Variants in PRCP observed in about 807,000 individuals in gnomAD.
PRCP encodes prolylcarboxypeptidase, also known as lysosomal Pro-X carboxypeptidase.
In PRCP, 46 loss-of-function variants were observed where a neutral mutation model predicts 54.2. The observed-to-expected ratio is 0.85, with a 90% confidence interval of 0.67 to 1.09. The LOEUF is 1.09. Among genes scored for constraint, PRCP ranks in the 50% least tolerant of loss-of-function variants. PRCP has a pLI of 0.00. For synonymous variants in PRCP, 240 were observed against 212.2 expected (o/e 1.13, Z -1.14); for missense variants, 613 against 596.8 (o/e 1.03, Z -0.28).
In PRCP at chr11:82,849,907, A is replaced by G; in HGVS notation, c.751+7T>C. 6.9e-7 allele frequency: 1 copy of G among 1,449,674 alleles called. No homozygotes were observed. Among genetic ancestry groups the G allele is most frequent in the Non-Finnish European group, 9.1e-7 (1 of 1,096,458 alleles). 89.8% of individuals were successfully genotyped at this position (1,449,674 alleles called of 1,614,324 possible). ...CACACAATTCCATTCTCTTAATTAA[A>G]GCTTACCAGTATTTGAGAGTCGATT... On this transcript the variant is annotated splice_region_variant and intron_variant, in intron 5 of 8. Transcript: ENST00000313010.
At chr11:82,899,351 G>A (rs555987647) in intron 1 of PRCP, among the ~76,000 whole-genome samples, 1 of 152,304 alleles carries the variant, frequency 6.6e-6, no homozygotes, top group East Asian at 1.9e-4. Context: ...CAGAAGTACT[G>A]TAACCTGCCC....
At chr11:82,872,920 T>C (rs958105738) in intron 1 of PRCP, among the ~76,000 whole-genome samples, 14 of 152,084 alleles carry the variant, frequency 9.2e-5, no homozygotes, top group Admixed American at 9.2e-4. Context: ...AAGAGTTTAA[T>C]GTAGAAAGAG....
At chr11:82,844,296 T>G (rs555348636) in intron 6 of PRCP, among the ~76,000 whole-genome samples, 1 of 151,878 alleles carries the variant, frequency 6.6e-6, no homozygotes, top group Non-Finnish European at 1.5e-5. Context: ...AAATACAGAC[T>G]CTAGTAATCC....
Position 82,824,709 on chromosome 11 carries a change from CAA to C in PRCP, c.*195_*196del, listed in dbSNP as rs1858178261. ...AAGAAGATTCTTCCTAGACGTGGTGCAAAGACAGTGAGAACCCAGGAAATCAC... is the reference window on the plus strand; with the variant it reads ...AAGAAGATTCTTCCTAGACGTGGTGCAGACAGTGAGAACCCAGGAAATCAC... On this transcript the variant is annotated 3_prime_UTR_variant, in exon 9 of 9. Coordinates refer to ENST00000313010, the MANE Select transcript of PRCP (RefSeq NM_005040.4). The C allele has an allele frequency of 3.4e-6, 2 of 590,114 alleles. No homozygotes were observed. The highest frequency in any genetic ancestry group is 5.9e-6 in the Non-Finnish European group (2 of 338,350). 36.6% of individuals were successfully genotyped at this position (590,114 alleles called of 1,614,324 possible). A position where few individuals can be genotyped will look rare whatever the true frequency, so the allele number is the denominator to read the frequency against.
chr11:82,831,043 C>CAAAAAAAAA (rs11356609), intron 8 of PRCP: 1 of 67,220 alleles, frequency 1.5e-5, no homozygotes, highest in African/African-American at 5.1e-5. Flanking sequence ...GGAAAATCTA[C>CAAAAAAAAA]AAAAAAAAAA....
intron 1 of PRCP, among the ~76,000 whole-genome samples, chr11:82,892,874 A>C (rs781065451): frequency 1.3e-5 from 2 of 152,222 alleles, no homozygotes; most frequent in Non-Finnish European, 2.9e-5. Flanking sequence ...GTCAACAAGT[A>C]CAATTTGAAC....
At chr11:82,896,501 C>A (rs1046925924) in intron 1 of PRCP, among the ~76,000 whole-genome samples, 1 of 151,694 alleles carries the variant, frequency 6.6e-6, no homozygotes, top group African/African-American at 2.4e-5. Flanking sequence ...CATGGTAAAA[C>A]CCTGTCTGTA....
chr11:82,829,541 G>A (rs186089062), intron 8 of PRCP: 1 of 152,134 alleles, frequency 6.6e-6, no homozygotes, highest in African/African-American at 2.4e-5. Flanking sequence ...AATTTCAACT[G>A]TTTTCCCTCC....
intron 6 of PRCP, among the ~76,000 whole-genome samples, chr11:82,841,055 T>TATATATATATATATATAAAA (rs1555013578): frequency 6.7e-6 from 1 of 149,578 alleles, no homozygotes; most frequent in African/African-American, 2.5e-5. Context: ...ATATATATAA[T>TATATATATATATATATAAAA]AGACTAGTCC....
At chr11:82,866,295 C>T (rs547871389) in intron 1 of PRCP, among the ~76,000 whole-genome samples, 4 of 152,300 alleles carry the variant, frequency 2.6e-5, no homozygotes, top group South Asian at 2.1e-4. Flanking sequence ...AGATACTGTC[C>T]TCCCTTCCCA....
Position 82,839,303 on chromosome 11 carries a change from C to G in PRCP, c.1044G>C (p.Glu348Asp). The G allele has an allele frequency of 6.2e-7, 1 of 1,614,002 alleles. No individual in the cohort carries two copies. The highest frequency in any genetic ancestry group is 8.5e-7 in the Non-Finnish European group (1 of 1,179,972). The change falls in exon 7 of 9, where the codon GAG becomes GAC. Residue 348 changes from glutamate to aspartate, a missense_variant. Physicochemically the swap from Glu to Asp is conservative, Grantham distance 45. Transcript: ENST00000313010. ...GTGTTCCCAGACTGCTAGTTGCTGT[C>G]TCTGAAATATTCAGGCATTTCACCT... ...SGQVKCLNIS[E>D]TATSSLGTLG...
intron 1 of PRCP, among the ~76,000 whole-genome samples, chr11:82,871,489 G>A (rs1591062708): frequency 6.6e-6 from 1 of 152,026 alleles, no homozygotes; most frequent in African/African-American, 2.4e-5. Context: ...TGTTCTGAAT[G>A]TTTCTTCTAT....
At chr11:82,864,489 C>G (rs1056967865) in intron 1 of PRCP, among the ~76,000 whole-genome samples, 3 of 152,218 alleles carry the variant, frequency 2.0e-5, no homozygotes, top group African/African-American at 7.2e-5. Flanking sequence ...CCTTAGAAAC[C>G]ATTCCGTCTG....
At chr11:82,872,059 CATA>C (rs1366447901) in intron 1 of PRCP, among the ~76,000 whole-genome samples, 2 of 152,190 alleles carry the variant, frequency 1.3e-5, no homozygotes. Flanking sequence ...TACGCGTTCA[CATA>C]ATGTGTCATA....
Position 82,838,386 on chromosome 11 carries a change from C to A in PRCP, c.1274+1G>T. 6.2e-7 allele frequency: 1 copy of A among 1,600,320 alleles called. No individual in the cohort carries two copies. Among genetic ancestry groups the A allele is most frequent in the African/African-American group, 1.3e-5 (1 of 74,432 alleles). On this transcript the variant is annotated splice_donor_variant, in intron 8 of 8. Coordinates refer to ENST00000313010, the MANE Select transcript of PRCP (RefSeq NM_005040.4). LOFTEE classifies it high-confidence loss of function. The stretch of plus-strand genomic sequence containing the variant: ...TTTATCTTTGGACAGCAAAAACTCA[C>A]CTGAAAACAATGTTTGTGTGTGAAC...
chr11:82,875,193 C>T (rs1859576752), intron 1 of PRCP, among the ~76,000 whole-genome samples: 1 of 152,204 alleles, frequency 6.6e-6, no homozygotes, highest in Non-Finnish European at 1.5e-5. Context: ...GTTTTCCCCA[C>T]CATGCCTTAC....
rs558519080 is a variant in PRCP at position 82,893,982 on chromosome 11, A to G, written c.168+6253T>C. On this transcript the variant is annotated intron_variant, in intron 1 of 8. Transcript: ENST00000313010. ...TTAATAATGCATTAGACACATTTAC[A>G]CTACATATGTAATTTTACTTTCATC... 3.9e-5 allele frequency among the ~76,000 whole-genome samples: 6 copies of G among 152,360 alleles called. No homozygotes were observed. In the South Asian group the frequency reaches 1.2e-3, roughly 32 times the overall value.
intron 8 of PRCP, chr11:82,835,776 T>C: frequency 2.3e-6 from 1 of 440,070 alleles, no homozygotes; most frequent in Non-Finnish European, 4.5e-6. Flanking sequence ...GCTGAAGAAG[T>C]TGTAAAGGAT....
At position 82,839,345 on chromosome 11, in the gene PRCP, AT is replaced by A; in HGVS notation, c.1001del (p.Tyr334PhefsTer8). The A allele has an allele frequency of 6.2e-7, 1 of 1,613,896 alleles. No homozygotes were observed. Among genetic ancestry groups the A allele is most frequent in the Non-Finnish European group, 8.5e-7 (1 of 1,179,892 alleles). On this transcript the variant is annotated frameshift_variant, in exon 7 of 9. Coordinates refer to ENST00000313010, the MANE Select transcript of PRCP (RefSeq NM_005040.4). LOFTEE classifies it high-confidence loss of function. ...ATTTCACCTGGCCCGAATAATTGTAATATACATTCAGAGCTTGGAAAATATT... is the reference window on the plus strand; with the variant it reads ...ATTTCACCTGGCCCGAATAATTGTAAATACATTCAGAGCTTGGAAAATATT... ...LQNIFQALNV[Y>X]YNYSGQVKCL...
Sources: allele counts gnomAD v4.1 joint callset (sites outside exome capture counted in the v4.1 genomes callset), GRCh38; gene constraint gnomAD v4.1.1; transcripts MANE v1.5; gene names NCBI Gene and HGNC (gene_info 2026-07-23, HGNC 2026-07-21).